The following ABHD17C variants were observed in gnomAD, a reference collection of about 807,000 sequenced individuals.
ABHD17C encodes the protein alpha/beta hydrolase domain-containing protein 17C.
ABHD17C carries 11 observed loss-of-function variants against 27.9 expected under a neutral mutation model. The observed-to-expected ratio is 0.39, with a 90% CI of 0.25 to 0.65. The LOEUF (loss-of-function observed/expected upper bound fraction) is 0.65, where lower values mean the gene tolerates loss of function less well. ABHD17C is among the 30% of genes least tolerant of loss of function. The pLI is 0.45. For synonymous variants in ABHD17C, 233 were observed against 209.1 expected (o/e 1.11, Z -0.98); for missense variants, 280 against 470.2 (o/e 0.60, Z 3.74).
At chr15:80,697,016 G>A (rs905656543) in intron 1 of ABHD17C, among the ~76,000 whole-genome samples, 3 of 152,210 alleles carry the variant, frequency 2.0e-5, no homozygotes, top group African/African-American at 7.2e-5. Context: ...GAAGTACACC[G>A]GGCATTATTG....
chr15:80,721,752 C>A (rs1461442587), intron 1 of ABHD17C, among the ~76,000 whole-genome samples: 1 of 152,116 alleles, frequency 6.6e-6, no homozygotes, highest in African/African-American at 2.4e-5. Context: ...CTTGCCAGGC[C>A]TCTCCCGCAA....
At chr15:80,749,774 A>G (rs1895341607) in intron 2 of ABHD17C, 82 bp downstream of exon 2, 3 of 1,466,856 alleles carry the variant, frequency 2.0e-6, no homozygotes, top group Middle Eastern at 1.8e-4. Flanking sequence ...ATCTGTGTAA[A>G]TATTTATTGA....
chr15:80,707,785 C>T (rs1246594788), intron 1 of ABHD17C, among the ~76,000 whole-genome samples: 1 of 152,120 alleles, frequency 6.6e-6, no homozygotes, highest in Non-Finnish European at 1.5e-5. Flanking sequence ...GAGGCTTCTA[C>T]AGCTCGGCGT....
At chr15:80,731,589 A>T (rs953169644) in intron 1 of ABHD17C, among the ~76,000 whole-genome samples, 28 of 152,120 alleles carry the variant, frequency 1.8e-4, no homozygotes, top group Non-Finnish European at 3.8e-4. Context: ...TCCACCAGAT[A>T]TGTAAAAGAA....
intron 1 of ABHD17C, among the ~76,000 whole-genome samples, chr15:80,728,638 T>C (rs1895015808): frequency 1.3e-5 from 2 of 152,244 alleles, no homozygotes; most frequent in South Asian, 4.1e-4. Context: ...TCACTTTCTT[T>C]AGTACATCTA....
At chr15:80,700,485 C>G (rs150953333) in intron 1 of ABHD17C, among the ~76,000 whole-genome samples, 41 of 152,288 alleles carry the variant, frequency 2.7e-4, no homozygotes, top group African/African-American at 9.6e-4. Context: ...AACGTTGATA[C>G]AGTCAGAGAA....
At position 80,739,297 on chromosome 15, in the gene ABHD17C, A is replaced by G. The variant is rs183070041; in HGVS notation, c.591-10216A>G. Among the ~76,000 whole-genome samples the G allele has an allele frequency of 5.3e-3, 807 of 152,320 alleles. 7 individuals carry two copies. The highest frequency in any genetic ancestry group is 0.019 in the African/African-American group (772 of 41,568). ...TCTTTCATCCTGACTGCCAGGTTCC[A>G]CAGGCAACAACTCCATTAACCATGC... On this transcript the variant is annotated intron_variant, in intron 1 of 2. Coordinates refer to ENST00000258884, the MANE Select transcript of ABHD17C (RefSeq NM_021214.2).
rs566700907 is a variant in ABHD17C at position 80,729,772 on chromosome 15, A to T, written c.591-19741A>T. Reference sequence around the variant, plus strand: ...AGAACCTAATGGCATCTTGGGTGGAATTTTAGAGAGACAGGACTGTTTGAG... The same window carrying T: ...AGAACCTAATGGCATCTTGGGTGGATTTTTAGAGAGACAGGACTGTTTGAG... On this transcript the variant is annotated intron_variant, in intron 1 of 2. Coordinates refer to ENST00000258884, the MANE Select transcript of ABHD17C (RefSeq NM_021214.2). Among the ~76,000 whole-genome samples the T allele has an allele frequency of 6.8e-4, 103 of 152,304 alleles. 2 individuals are homozygous for T. Among genetic ancestry groups the T allele is most frequent in the Admixed American group, 6.7e-3 (102 of 15,286 alleles).
intron 1 of ABHD17C, among the ~76,000 whole-genome samples, chr15:80,733,885 C>T (rs4778849): frequency 0.49 from 74,320 of 151,642 alleles, 18,826 homozygotes; most frequent in East Asian, 0.65. Context: ...TTTTTTTCCC[C>T]AACAGAGAAT....
intron 1 of ABHD17C, among the ~76,000 whole-genome samples, chr15:80,746,039 A>G (rs1895278373): frequency 6.6e-6 from 1 of 152,226 alleles, no homozygotes; most frequent in Non-Finnish European, 1.5e-5. Context: ...AACTGATTCT[A>G]TCAACATAAG....
At chr15:80,734,631 G>A (rs1895103517) in intron 1 of ABHD17C, among the ~76,000 whole-genome samples, 1 of 152,142 alleles carries the variant, frequency 6.6e-6, no homozygotes, top group African/African-American at 2.4e-5. Flanking sequence ...CATCATGTCA[G>A]GTCTTGTTTA....
At chr15:80,729,717 G>A (rs1235240057) in intron 1 of ABHD17C, among the ~76,000 whole-genome samples, 4 of 152,198 alleles carry the variant, frequency 2.6e-5, no homozygotes, top group African/African-American at 9.6e-5. Flanking sequence ...CTAGGGCCGA[G>A]GAAAGGAACT....
intron 1 of ABHD17C, among the ~76,000 whole-genome samples, chr15:80,725,804 C>G (rs1437729486): frequency 7.3e-6 from 1 of 136,726 alleles, no homozygotes; most frequent in Non-Finnish European, 1.6e-5. Context: ...ACCGCTGCAC[C>G]AGCAGTTTTT....
At chr15:80,713,124 T>C (rs1002634666) in intron 1 of ABHD17C, among the ~76,000 whole-genome samples, 25 of 151,846 alleles carry the variant, frequency 1.6e-4, no homozygotes, top group Non-Finnish European at 2.1e-4. Context: ...TGCATTGGAA[T>C]GTACAAATCA....
intron 1 of ABHD17C, among the ~76,000 whole-genome samples, chr15:80,708,069 A>T (rs936438139): frequency 6.6e-6 from 1 of 152,112 alleles, no homozygotes; most frequent in African/African-American, 2.4e-5. Flanking sequence ...GCAGCTCTTC[A>T]TGCCCCTGTC....
At chr15:80,731,426 G>T (rs1302979083) in intron 1 of ABHD17C, among the ~76,000 whole-genome samples, 4 of 151,924 alleles carry the variant, frequency 2.6e-5, no homozygotes, top group South Asian at 2.1e-4. Context: ...TAAAAATCCA[G>T]GCAAGGAGGA....
intron 1 of ABHD17C, among the ~76,000 whole-genome samples, chr15:80,723,070 C>T (rs117207744): frequency 0.015 from 2,266 of 151,986 alleles, 37 homozygotes; most frequent in Non-Finnish European, 0.023. Flanking sequence ...TGAGGATTGT[C>T]GTCCTGGAAC....
rs1895411669 is a variant in ABHD17C at position 80,754,727 on chromosome 15, A to T, written c.*357A>T. On this transcript the variant is annotated 3_prime_UTR_variant, in exon 3 of 3. Transcript: ENST00000258884. The stretch of plus-strand genomic sequence containing the variant: ...ATGCAGGACTTGCCCTGTTGCCACC[A>T]ATGTTCTCGGTATTTCACATGCAGC... 1 of 181,548 alleles carries T rather than the reference A, an allele frequency of 5.5e-6. No individual in the cohort carries two copies. The highest frequency in any genetic ancestry group is 2.4e-5 in the African/African-American group (1 of 42,370). 11.2% of individuals were successfully genotyped at this position (181,548 alleles called of 1,614,324 possible).
intron 1 of ABHD17C, among the ~76,000 whole-genome samples, chr15:80,746,144 A>G (rs1046896735): frequency 5.9e-5 from 9 of 152,368 alleles, no homozygotes; most frequent in Admixed American, 4.6e-4. Context: ...ATAAATGTGT[A>G]GAGTATCACA....
Sources: allele counts gnomAD v4.1 joint callset (sites outside exome capture counted in the v4.1 genomes callset), GRCh38; gene constraint gnomAD v4.1.1; transcripts MANE v1.5; gene names NCBI Gene and HGNC (gene_info 2026-07-23, HGNC 2026-07-21).